TTLL11: variants seen among roughly 807,000 people sequenced by gnomAD.
TTLL11 encodes the protein tubulin tyrosine ligase like 11.
TTLL11 carries 42 observed loss-of-function variants against 51.7 expected under a neutral mutation model. The observed-to-expected ratio is 0.81, with a 90% CI of 0.64 to 1.05. The LOEUF (loss-of-function observed/expected upper bound fraction) is 1.05. Among genes scored for constraint, TTLL11 ranks in the 50% least tolerant of loss-of-function variants. The probability of loss-of-function intolerance (pLI) is 0.00; values close to 1 mark genes in which losing one functional copy is unlikely to be tolerated. For missense variants in TTLL11, 799 were observed against 940.4 expected (o/e 0.85, Z 1.97); for synonymous variants, 381 against 383.5 (o/e 0.99, Z 0.08).
chr9:122,079,977 T>TA (rs1244806440), intron 1 of TTLL11, among the ~76,000 whole-genome samples: 2 of 151,738 alleles, frequency 1.3e-5, no homozygotes, highest in African/African-American at 4.8e-5. Context: ...ATTTTAAAAA[T>TA]AAAAAAAGAA....
At chr9:121,873,642 C>CTTCTTCTTCTTCTTCT (rs1564282907) in intron 6 of TTLL11, among the ~76,000 whole-genome samples, 1 of 133,998 alleles carries the variant, frequency 7.5e-6, no homozygotes, top group Non-Finnish European at 1.6e-5. Context: ...TCCTCCTCCT[C>CTTCTTCTTCTTCTTCT]TCTTCTTCTT....
chr9:121,862,862 T>C (rs1017361327), intron 7 of TTLL11, among the ~76,000 whole-genome samples: 1 of 152,202 alleles, frequency 6.6e-6, no homozygotes, highest in African/African-American at 2.4e-5. Flanking sequence ...CTTGTGTGAA[T>C]AGCTCTGTTA....
At chr9:121,934,302 C>T (rs917279512) in intron 6 of TTLL11, among the ~76,000 whole-genome samples, 1 of 152,044 alleles carries the variant, frequency 6.6e-6, no homozygotes, top group Non-Finnish European at 1.5e-5. Context: ...ATCTTTTACC[C>T]ATGCCAAACT....
intron 1 of TTLL11, among the ~76,000 whole-genome samples, chr9:122,041,448 T>G (rs922814938): frequency 1.3e-5 from 2 of 152,222 alleles, no homozygotes; most frequent in Non-Finnish European, 2.9e-5. Context: ...GAGAAAGATA[T>G]AGAAGGTGTC....
chr9:121,919,847 T>TAAAA (rs59700871), intron 6 of TTLL11, among the ~76,000 whole-genome samples: 4 of 60,830 alleles, frequency 6.6e-5, no homozygotes, highest in African/African-American at 1.1e-4. Context: ...CCCTCATCTC[T>TAAAA]AAAAAAAAAA....
chr9:121,871,745 A>G (rs1838364432), intron 6 of TTLL11, among the ~76,000 whole-genome samples: 1 of 151,952 alleles, frequency 6.6e-6, no homozygotes, highest in African/African-American at 2.4e-5. Context: ...CTCATTTCCA[A>G]TCATCCCCCT....
At chr9:121,971,239 C>T (rs1448504513) in intron 6 of TTLL11, among the ~76,000 whole-genome samples, 1 of 103,524 alleles carries the variant, frequency 9.7e-6, no homozygotes, top group African/African-American at 3.2e-5. Context: ...CCCGCCCGGC[C>T]AGCCGCCCCG....
At chr9:121,870,839 C>A in intron 6 of TTLL11, 91 bp from the exon 7 acceptor site, 1 of 1,377,892 alleles carries the variant, frequency 7.3e-7, no homozygotes, top group Non-Finnish European at 9.7e-7. Flanking sequence ...GGCAGCATTA[C>A]CAGCATTTTT....
intron 3 of TTLL11, among the ~76,000 whole-genome samples, chr9:122,002,623 C>T (rs945503384): frequency 2.0e-5 from 3 of 152,112 alleles, no homozygotes; most frequent in African/African-American, 7.2e-5. Flanking sequence ...CCTGGGAAAA[C>T]ATCCAGATTC....
intron 1 of TTLL11, among the ~76,000 whole-genome samples, chr9:122,072,487 T>C (rs569679246): frequency 6.6e-6 from 1 of 152,004 alleles, no homozygotes; most frequent in East Asian, 1.9e-4. Flanking sequence ...CTACTAAAAA[T>C]ACAAAAATTA....
At position 121,998,443 on chromosome 9, in the gene TTLL11, C is replaced by T. The variant is rs903078522; in HGVS notation, c.694-8673G>A. On this transcript the variant is annotated intron_variant, in intron 3 of 8. Transcript: ENST00000321582. Reference sequence around the variant, plus strand: ...CTGGGATTACAGGCACCCGCCACCACATTCGGCTAATTTTTGTATTTCAGT... The same window carrying T: ...CTGGGATTACAGGCACCCGCCACCATATTCGGCTAATTTTTGTATTTCAGT... Among the ~76,000 whole-genome samples the T allele has an allele frequency of 6.6e-5, 10 of 152,172 alleles. 1 individual carries two copies. The highest frequency in any genetic ancestry group is 5.9e-4 in the Admixed American group (9 of 15,298).
intron 1 of TTLL11, among the ~76,000 whole-genome samples, chr9:122,085,633 C>A (rs779924044): frequency 2.0e-5 from 3 of 152,098 alleles, no homozygotes; most frequent in Non-Finnish European, 4.4e-5. Flanking sequence ...TAAATTTTCC[C>A]CCTGTTTAAG....
At chr9:121,986,573 T>G (rs527843329) in intron 4 of TTLL11, among the ~76,000 whole-genome samples, 47 of 152,272 alleles carry the variant, frequency 3.1e-4, no homozygotes, top group African/African-American at 1.1e-3. Flanking sequence ...GCATCCTCCC[T>G]GGGAACCAAA....
At position 121,995,492 on chromosome 9, in the gene TTLL11, G is replaced by A. The variant is rs1453357489; in HGVS notation, c.694-5722C>T. Among the ~76,000 whole-genome samples, 5 of 152,154 alleles carry A rather than the reference G, an allele frequency of 3.3e-5. No homozygotes were observed. The highest frequency in any genetic ancestry group is 7.3e-5 in the Non-Finnish European group (5 of 68,030). ...CAGGGCACCTGGTGACTGGACAGATGTGAAAGGCGAGAGAGGAAAGGGTCA... is the reference window on the plus strand; with the variant it reads ...CAGGGCACCTGGTGACTGGACAGATATGAAAGGCGAGAGAGGAAAGGGTCA... On this transcript the variant is annotated intron_variant, in intron 3 of 8. Transcript: ENST00000321582. This position sits in a 1 kb window ranked among gnomAD's most constrained non-coding sequence, Gnocchi z 4.4.
rs868049457 is a variant in TTLL11 at position 121,826,481 on chromosome 9, G to A, written c.1841-3602C>T. Among the ~76,000 whole-genome samples the A allele has an allele frequency of 8.1e-3, 376 of 46,328 alleles. 11 individuals are homozygous for A. Among genetic ancestry groups the A allele is most frequent in the African/African-American group, 0.029 (327 of 11,336 alleles). 30.4% of individuals were successfully genotyped at this position (46,328 alleles called of 152,430 possible). ...TATATATGTGTGTATATATATATAT[G>A]TATATATATATATGTGTGTGTATAT... On this transcript the variant is annotated intron_variant, in intron 8 of 8. Coordinates refer to ENST00000321582, the MANE Select transcript of TTLL11 (RefSeq NM_001139442.2).
At chr9:122,053,124 T>G (rs1845204198) in intron 1 of TTLL11, among the ~76,000 whole-genome samples, 1 of 152,078 alleles carries the variant, frequency 6.6e-6, no homozygotes, top group Non-Finnish European at 1.5e-5. Flanking sequence ...CAAACCCACC[T>G]CAGGAAAAAG....
intron 8 of TTLL11, among the ~76,000 whole-genome samples, chr9:121,859,674 T>C (rs1837944019): frequency 6.6e-6 from 1 of 152,186 alleles, no homozygotes; most frequent in Non-Finnish European, 1.5e-5. Flanking sequence ...ACAGCTCCCA[T>C]AACCCCATCT....
intron 1 of TTLL11, among the ~76,000 whole-genome samples, chr9:122,039,728 A>C (rs1844790072): frequency 6.6e-6 from 1 of 152,212 alleles, no homozygotes; most frequent in Non-Finnish European, 1.5e-5. Context: ...AGGGTCACAC[A>C]GAGCTGGTAA....
In TTLL11 at chr9:121,964,064, A is replaced by G. The variant is rs566980232; in HGVS notation, c.1481+9945T>C. 1.3e-3 allele frequency among the ~76,000 whole-genome samples: 193 copies of G among 152,220 alleles called. 1 individual carries two copies. Among genetic ancestry groups the G allele is most frequent in the Admixed American group, 2.4e-3 (37 of 15,280 alleles). On this transcript the variant is annotated intron_variant, in intron 6 of 8. Transcript: ENST00000321582. Reference sequence around the variant, plus strand: ...CTTTTGCTCCAGAAAAAAAATACACATATACACAAAATCACAGATACCTTT... The same window carrying G: ...CTTTTGCTCCAGAAAAAAAATACACGTATACACAAAATCACAGATACCTTT...
Sources: gnomAD v4.1 joint callset for allele counts (sites outside exome capture counted in the v4.1 genomes callset) on GRCh38, gnomAD v4.1.1 for gene constraint, Gnocchi (gnomAD v3.1) non-coding constraint, MANE v1.5 for transcripts, NCBI Gene and HGNC (gene_info 2026-07-23, HGNC 2026-07-21) for gene names.